AHNAK: variants seen among roughly 807,000 people sequenced by gnomAD.
The protein encoded by AHNAK is neuroblast differentiation-associated protein AHNAK.
AHNAK carries 23 observed loss-of-function variants against 37.8 expected under a neutral mutation model. The ratio of observed to expected loss-of-function variants is 0.61; its 90% CI spans 0.44 to 0.86. The LOEUF is 0.86. AHNAK is among the 40% of genes least tolerant of loss of function. The pLI, the probability that AHNAK is intolerant of heterozygous loss-of-function variation, is 0.00. For synonymous variants in AHNAK, 2,481 were observed against 2,636.3 expected, an observed-to-expected ratio of 0.94 and a Z score of 1.80; for missense variants, 7,411 against 7,319.4, an observed-to-expected ratio of 1.01 and a Z score of -0.46.
intron 4 of AHNAK, among the ~76,000 whole-genome samples, chr11:62,502,167 A>T (rs1054001535): frequency 2.0e-5 from 3 of 152,144 alleles, no homozygotes; most frequent in Admixed American, 2.0e-4. Flanking sequence ...CCTCGACTTC[A>T]GAGTCTCCAA....
chr11:62,519,204 G>C lies in AHNAK; in HGVS notation c.15213C>G (p.Leu5071=). The change falls in exon 5 of 5, where the codon CTC becomes CTG. Residue 5071 remains leucine, a synonymous_variant. Transcript: ENST00000378024. ...TTTTGGGCGATTTCACGTCGACTTT[G>C]AGTGCAGCATCCGGCCCTGCGATGT... ...DVNIAGPDAA[L]KVDVKSPKTK... is the part of the protein sequence containing the mutation. The C allele has an allele frequency of 2.5e-6, 4 of 1,613,320 alleles. No homozygotes were observed. Among genetic ancestry groups the C allele is most frequent in the Non-Finnish European group, 3.4e-6 (4 of 1,179,716 alleles).
At chr11:62,456,666 C>T (rs879359148) in intron 5 of AHNAK, among the ~76,000 whole-genome samples, 11 of 152,158 alleles carry the variant, frequency 7.2e-5, no homozygotes, top group African/African-American at 2.4e-4. Context: ...TGGCATGTCA[C>T]CCCACGAGCC....
chr11:62,512,876 G>A (rs568885189), downstream of AHNAK, among the ~76,000 whole-genome samples: 3 of 147,904 alleles, frequency 2.0e-5, no homozygotes, highest in Non-Finnish European at 4.5e-5. This position sits in a 1 kb window ranked among gnomAD's most constrained non-coding sequence, Gnocchi z 4.0. Context: ...GGAAGGGAGG[G>A]AGGGAGGGAG....
chr11:62,446,413 C>A (rs1301002811), intron 5 of AHNAK, among the ~76,000 whole-genome samples: 3 of 152,188 alleles, frequency 2.0e-5, no homozygotes, highest in Non-Finnish European at 2.9e-5. Context: ...AATAGCCACA[C>A]CCATGACTAT....
rs776154626 is a variant in AHNAK, at chr11:62,529,099, T to C, written c.5318A>G (p.Lys1773Arg). The C allele has an allele frequency of 6.2e-7, 1 of 1,614,146 alleles. No individual in the cohort carries two copies. The highest frequency in any genetic ancestry group is 1.1e-5 in the South Asian group (1 of 91,078). The change falls in exon 5 of 5, where the codon AAG becomes AGG. Residue 1773 changes from lysine (K) to arginine (R), a missense_variant. Physicochemically the swap from Lys to Arg is conservative, Grantham distance 26. Transcript: ENST00000378024. ...GACCTTGGGAGCTTTTATATTCAAC[T>C]TGGGCATCTTAAATTTGGAGCCTTT... Reference protein sequence around the residue: ...KLKGSKFKMPKLNIKAPKVSM... With the variant: ...KLKGSKFKMPRLNIKAPKVSM...
At chr11:62,455,308 C>T (rs1938631979) in intron 5 of AHNAK, among the ~76,000 whole-genome samples, 1 of 152,096 alleles carries the variant, frequency 6.6e-6, no homozygotes, top group East Asian at 1.9e-4. Context: ...AAGGAATTGG[C>T]CCCCTTAAGA....
intron 4 of AHNAK, among the ~76,000 whole-genome samples, chr11:62,495,002 A>G (rs1416848511): frequency 1.4e-5 from 2 of 146,324 alleles, no homozygotes; most frequent in Non-Finnish European, 3.0e-5. Flanking sequence ...CTCCATCTCA[A>G]AAAAAAAAAA....
chr11:62,501,802 C>T (rs1171688382), intron 4 of AHNAK, among the ~76,000 whole-genome samples: 2 of 152,134 alleles, frequency 1.3e-5, no homozygotes, highest in Non-Finnish European at 1.5e-5. Flanking sequence ...TCAAAGAGAG[C>T]GGTGGGGCAG....
At chr11:62,543,011 C>T (rs568325337) in intron 1 of AHNAK, among the ~76,000 whole-genome samples, 8 of 152,286 alleles carry the variant, frequency 5.3e-5, no homozygotes, top group Admixed American at 4.6e-4. Flanking sequence ...GAGCTACCCC[C>T]GAGCCCCGCC....
chr11:62,498,204 C>T (rs943980699), intron 4 of AHNAK, among the ~76,000 whole-genome samples: 1 of 152,060 alleles, frequency 6.6e-6, no homozygotes, highest in African/African-American at 2.4e-5. Flanking sequence ...TGTGTCGTTG[C>T]TAACCCACAA....
chr11:62,451,736 C>CA (rs572246314), intron 5 of AHNAK, among the ~76,000 whole-genome samples: 76,820 of 113,178 alleles, frequency 0.68, 26,427 homozygotes, highest in East Asian at 0.87. Context: ...GACTCCGTCT[C>CA]AAAAAAAAAA....
Position 62,526,762 on chromosome 11 carries a change from T to A in AHNAK, c.7655A>T (p.Asp2552Val), listed in dbSNP as rs1457337985. 6.8e-6 allele frequency: 11 copies of A among 1,613,976 alleles called. No individual in the cohort carries two copies. Among genetic ancestry groups the A allele is most frequent in the African/African-American group, 1.3e-5 (1 of 74,886 alleles). ...TCCCTCTGGTCCTTCAATATTAACA[T>A]CAGGGCCTTCAATGTCCACCTTGGG... ...SGPKVDIEGP[D>V]VNIEGPEGKL... The change falls in exon 5 of 5, where the codon GAT becomes GTT. Residue 2552 changes from aspartate to valine, a missense_variant. Physicochemically the swap from Asp to Val is radical, Grantham distance 152. Transcript: ENST00000378024.
Position 62,529,927 on chromosome 11 carries a change from G to A in AHNAK, c.4490C>T (p.Pro1497Leu), listed in dbSNP as rs116499851. 2 of 1,612,632 alleles carry A rather than the reference G, an allele frequency of 1.2e-6. No individual in the cohort carries two copies. Among genetic ancestry groups the A allele is most frequent in the Non-Finnish European group, 1.7e-6 (2 of 1,179,688 alleles). The change falls in exon 5 of 5, where the codon CCA becomes CTA. Residue 1497 changes from proline (P) to leucine (L), a missense_variant. Pro to Leu is a moderately conservative substitution (Grantham distance 98). Coordinates refer to ENST00000378024, the MANE Select transcript of AHNAK (RefSeq NM_001620.3). ...IKGPKVDINA[P>L]DVEVHGPDWH... ...GTCTGGGCCATGAACCTCCACATCT[G>A]GTGCATTAATATCAACTTTGGGGCC...
At chr11:62,442,961 C>T (rs796305256) in intron 5 of AHNAK, among the ~76,000 whole-genome samples, 65 of 151,954 alleles carry the variant, frequency 4.3e-4, no homozygotes, top group African/African-American at 1.5e-3. Flanking sequence ...AGACCTGGCT[C>T]GAGTCTTGCA....
In AHNAK at chr11:62,522,493, A is replaced by G; in HGVS notation, c.11924T>C (p.Val3975Ala). The G allele has an allele frequency of 6.2e-7, 1 of 1,613,124 alleles. No homozygotes were observed. The highest frequency in any genetic ancestry group is 8.5e-7 in the Non-Finnish European group (1 of 1,179,836). Reference sequence around the variant, plus strand: ...TTTCGCATCTGGACCTTCAATATTCACATCTGGAACATCAACGTCCACCTT... The same window carrying G: ...TTTCGCATCTGGACCTTCAATATTCGCATCTGGAACATCAACGTCCACCTT... ...GPKVDVDVPDVNIEGPDAKLK... is the reference protein window; with the variant it reads ...GPKVDVDVPDANIEGPDAKLK... The change falls in exon 5 of 5, where the codon GTG becomes GCG. Residue 3975 changes from valine to alanine, a missense_variant. By Grantham distance (64) the Val-to-Ala change is moderately conservative (BLOSUM62 0). Coordinates refer to ENST00000378024, the MANE Select transcript of AHNAK (RefSeq NM_001620.3).
chr11:62,532,646 G>A lies in AHNAK; in HGVS notation c.1771C>T (p.Leu591Phe). ...PKVKGGVDVT[L>F]PRVEGKVKVP... ...TTGACTTTCCCTTCTACTCTGGGGA[G>A]TGTGACATCTACACCCCCTTTCACT... Residue 591 changes from leucine to phenylalanine, a missense_variant, in exon 5 of 5, where the codon CTC becomes TTC. Physicochemically the swap from Leu to Phe is conservative, Grantham distance 22. Transcript: ENST00000378024. 2 of 1,612,472 alleles carry A rather than the reference G, an allele frequency of 1.2e-6. No homozygotes were observed. The highest frequency in any genetic ancestry group is 2.2e-5 in the East Asian group (1 of 44,784).
In AHNAK at chr11:62,521,126, G is replaced by A. The variant is rs774753957; in HGVS notation, c.13291C>T (p.Pro4431Ser). The A allele has an allele frequency of 3.7e-6, 6 of 1,613,848 alleles. No homozygotes were observed. The highest frequency in any genetic ancestry group is 4.5e-5 in the East Asian group (2 of 44,888). The change falls in exon 5 of 5, where the codon CCT becomes TCT. Residue 4431 changes from proline to serine, a missense_variant. By Grantham distance (74) the Pro-to-Ser change is moderately conservative. Transcript: ENST00000378024. ...IKGPSLDIDT[P>S]DVNIEGPEGK... The stretch of plus-strand genomic sequence containing the variant: ...TCCGGACCTTCAATATTGACATCAG[G>A]TGTGTCAATGTCCAAACTGGGGCCT...
chr11:62,498,480 C>T (rs930796789), intron 4 of AHNAK, among the ~76,000 whole-genome samples: 14 of 147,452 alleles, frequency 9.5e-5, no homozygotes, highest in African/African-American at 3.2e-4. Flanking sequence ...TCTTTGGGGC[C>T]AGACATAGTG....
rs911481063 is a variant in AHNAK at position 62,528,277 on chromosome 11, T to C, written c.6140A>G (p.Lys2047Arg). 25 of 1,614,070 alleles carry C rather than the reference T, an allele frequency of 1.5e-5. No homozygotes were observed. Among genetic ancestry groups the C allele is most frequent in the Non-Finnish European group, 1.9e-5 (23 of 1,180,058 alleles). ...CTTGGGCATTTTCATCTTGGGCATC[T>C]TCAGGTGCCAGTCTGGGCCATGAAC... ...VDVHGPDWHLKMPKMKMPKFS... is the reference protein window; with the variant it reads ...VDVHGPDWHLRMPKMKMPKFS... The change falls in exon 5 of 5, where the codon AAG becomes AGG. Residue 2047 changes from lysine (K) to arginine (R), a missense_variant. Coordinates refer to ENST00000378024, the MANE Select transcript of AHNAK (RefSeq NM_001620.3).
Sources: gnomAD v4.1 joint callset for allele counts (sites outside exome capture counted in the v4.1 genomes callset) on GRCh38, gnomAD v4.1.1 for gene constraint, Gnocchi (gnomAD v3.1) non-coding constraint, MANE v1.5 for transcripts, NCBI Gene and HGNC (gene_info 2026-07-23, HGNC 2026-07-21) for gene names.